Variants in GRAP2 observed in about 807,000 individuals in gnomAD.
GRAP2 encodes the protein GRB2 related adaptor protein 2.
A neutral mutation model predicts 43.5 loss-of-function variants in GRAP2; 31 were observed. The ratio of observed to expected loss-of-function variants is 0.71; its 90% CI spans 0.54 to 0.96. GRAP2 has a LOEUF of 0.96. Among genes scored for constraint, GRAP2 ranks in the 40% least tolerant of loss-of-function variants. The pLI, the probability that GRAP2 is intolerant of heterozygous loss-of-function variation, is 0.00. For synonymous variants in GRAP2, 156 were observed against 164.8 expected, an observed-to-expected ratio of 0.95 and a Z score of 0.41; for missense variants, 371 against 424.4, an observed-to-expected ratio of 0.87 and a Z score of 1.11.
intron 2 of GRAP2, 153 bp downstream of exon 2, chr22:39,947,337 C>T: frequency 3.2e-6 from 2 of 634,170 alleles, no homozygotes; most frequent in South Asian, 3.7e-5. Flanking sequence ...TACCAGACAC[C>T]AACCAGGCCG....
intron 2 of GRAP2, among the ~76,000 whole-genome samples, chr22:39,952,399 C>T (rs899061769): frequency 6.6e-6 from 1 of 152,118 alleles, no homozygotes; most frequent in African/African-American, 2.4e-5. Context: ...GTGACATTTG[C>T]TACCCTGGCC....
chr22:39,922,156 A>G (rs1261505638), intron 1 of GRAP2, among the ~76,000 whole-genome samples: 2 of 152,192 alleles, frequency 1.3e-5, no homozygotes, highest in Non-Finnish European at 2.9e-5. Context: ...GATACTTCTC[A>G]GTTGGGAGAG....
chr22:39,910,245 C>T (rs528579635), intron 1 of GRAP2, among the ~76,000 whole-genome samples: 2 of 152,146 alleles, frequency 1.3e-5, no homozygotes, highest in East Asian at 1.9e-4. Context: ...GGGTAGTTGC[C>T]TCCCTTGATC....
chr22:39,941,530 G>T (rs550080016), intron 1 of GRAP2, among the ~76,000 whole-genome samples: 1 of 152,204 alleles, frequency 6.6e-6, no homozygotes, highest in African/African-American at 2.4e-5. Flanking sequence ...GCCAAATTCA[G>T]CCCATCATGT....
chr22:39,967,801 A>G (rs2067190335), intron 5 of GRAP2, among the ~76,000 whole-genome samples: 1 of 152,200 alleles, frequency 6.6e-6, no homozygotes, highest in South Asian at 2.1e-4. Flanking sequence ...CTACCAGGCA[A>G]AAAGTGTTAG....
chr22:39,948,159 G>C (rs1481045786), intron 2 of GRAP2: 1 of 152,088 alleles, frequency 6.6e-6, no homozygotes, highest in Non-Finnish European at 1.5e-5. Flanking sequence ...AGTGTCTGAG[G>C]AGCACAAAAC....
chr22:39,908,746 G>A (rs192209986), intron 1 of GRAP2, among the ~76,000 whole-genome samples: 2 of 152,334 alleles, frequency 1.3e-5, no homozygotes, highest in East Asian at 1.9e-4. Context: ...ATTAACAGGT[G>A]TTGATAGGAA....
intron 1 of GRAP2, among the ~76,000 whole-genome samples, chr22:39,905,043 A>G (rs189365179): frequency 6.6e-6 from 1 of 152,320 alleles, no homozygotes; most frequent in Admixed American, 6.5e-5. Flanking sequence ...TCCACTGTGC[A>G]TGATGCCAAG....
chr22:39,944,513 A>T (rs1301390493), intron 1 of GRAP2, among the ~76,000 whole-genome samples: 1 of 152,174 alleles, frequency 6.6e-6, no homozygotes, highest in Non-Finnish European at 1.5e-5. Flanking sequence ...TTTCAAAGCG[A>T]TTTTATAAAG....
At chr22:39,895,200 A>AAT in the GRAP2 span, among the ~76,000 whole-genome samples, 1 of 152,196 alleles carries the variant, frequency 6.6e-6, no homozygotes, top group Non-Finnish European at 1.5e-5. Context: ...CCTGTGTTTT[A>AAT]ATGGAATATT....
rs1183659328 is a variant in GRAP2 at position 39,968,240 on chromosome 22, C to T, written c.658C>T (p.Gln220Ter). ...CCAGCAGCTGCAGCAGCCCCCACAG[C>T]AGCGATATCTGCAGCACCACCATTT... ...APQQLQQPPQQRYLQHHHFHQ... is the reference protein window; with the variant it reads ...APQQLQQPPQ Residue 220 changes from glutamine to a stop codon, truncating the protein, a stop_gained, in exon 6 of 8, where the codon CAG (glutamine) becomes TAG (stop). Transcript: ENST00000344138. LOFTEE classifies it high-confidence loss of function. 2 of 1,609,704 alleles carry T rather than the reference C, an allele frequency of 1.2e-6. No individual in the cohort carries two copies. The highest frequency in any genetic ancestry group is 2.7e-5 in the African/African-American group (2 of 74,916).
chr22:39,964,554 A>G, intron 4 of GRAP2: 1 of 835,744 alleles, frequency 1.2e-6, no homozygotes, highest in Non-Finnish European at 2.1e-6. Flanking sequence ...GAATTAAGAA[A>G]TCTGGCAAAA....
chr22:39,946,027 AT>A (rs1334807326), intron 1 of GRAP2, among the ~76,000 whole-genome samples: 4 of 152,008 alleles, frequency 2.6e-5, no homozygotes, highest in Admixed American at 2.6e-4. Flanking sequence ...CACCCAGCTA[AT>A]TTTTGTATTT....
intron 1 of GRAP2, among the ~76,000 whole-genome samples, chr22:39,917,391 C>T (rs971241476): frequency 2.0e-5 from 3 of 152,200 alleles, no homozygotes; most frequent in African/African-American, 7.2e-5. Flanking sequence ...CTCCCCTTCA[C>T]CTGCCAGATG....
chr22:39,908,141 C>A lies in GRAP2; in HGVS notation c.-15+6811C>A, dbSNP rs867210373. The stretch of plus-strand genomic sequence containing the variant: ...GTGTTCTCTGAAGCCCTTTGATTTT[C>A]TGCAGAAAACCACCTAATCCCACTG... On this transcript the variant is annotated intron_variant, in intron 1 of 7. Transcript: ENST00000344138. Among the ~76,000 whole-genome samples, 6 of 152,344 alleles carry A rather than the reference C, an allele frequency of 3.9e-5. No homozygotes were observed. The Middle Eastern group carries it at 0.014, about 345-fold the overall frequency.
intron 2 of GRAP2, among the ~76,000 whole-genome samples, chr22:39,950,055 C>A (rs894714014): frequency 1.3e-5 from 2 of 152,052 alleles, no homozygotes; most frequent in Non-Finnish European, 2.9e-5. Flanking sequence ...GTGCACACAC[C>A]CACACAGAGA....
chr22:39,940,124 G>A (rs1323777713), intron 1 of GRAP2, among the ~76,000 whole-genome samples: 1 of 152,160 alleles, frequency 6.6e-6, no homozygotes, highest in Non-Finnish European at 1.5e-5. Context: ...AAAAGAATGT[G>A]AGAGTCTATT....
chr22:39,896,320 G>GT (rs535612776), upstream of GRAP2, among the ~76,000 whole-genome samples: 8 of 152,316 alleles, frequency 5.3e-5, no homozygotes, highest in South Asian at 1.7e-3. Flanking sequence ...ATGTTAAAGT[G>GT]TAGCAGTTAT....
At chr22:39,924,616 C>G (rs914526663) in intron 1 of GRAP2, among the ~76,000 whole-genome samples, 7 of 152,116 alleles carry the variant, frequency 4.6e-5, no homozygotes, top group Non-Finnish European at 1.0e-4. Flanking sequence ...GCAGGATAAT[C>G]ACTTCAACCC....
Sources: gnomAD v4.1 joint callset for allele counts (sites outside exome capture counted in the v4.1 genomes callset) on GRCh38, gnomAD v4.1.1 for gene constraint, MANE v1.5 for transcripts, NCBI Gene and HGNC (gene_info 2026-07-23, HGNC 2026-07-21) for gene names.